Variants in NPAS2 observed in about 807,000 individuals in gnomAD.
NPAS2 encodes the protein neuronal PAS domain-containing protein 2.
Under a neutral mutation model 107.5 loss-of-function variants are expected in NPAS2, and 23 were observed. The observed-to-expected ratio is 0.21, with a 90% confidence interval of 0.15 to 0.30. NPAS2 has a LOEUF of 0.30. Among genes scored for constraint, NPAS2 ranks in the 10% least tolerant of loss-of-function variants. The pLI, the probability that NPAS2 is intolerant of heterozygous loss-of-function variation, is 1.00. For synonymous variants in NPAS2, 403 were observed against 417.5 expected, an observed-to-expected ratio of 0.97 and a Z score of 0.42; for missense variants, 756 against 1,043.3, an observed-to-expected ratio of 0.72 and a Z score of 3.79.
intron 1 of NPAS2, among the ~76,000 whole-genome samples, chr2:100,895,593 C>G (rs897196853): frequency 9.9e-5 from 15 of 152,182 alleles, no homozygotes; most frequent in Non-Finnish European, 2.2e-4. Context: ...TGCCAATTCC[C>G]TTAGGAGTTC....
chr2:100,987,958 G>GCC (rs1677871459), intron 16 of NPAS2, 121 bp from the exon 17 acceptor site: 1 of 1,055,706 alleles, frequency 9.5e-7, no homozygotes. Context: ...TGGAGTAAAT[G>GCC]AACTATTTCT....
intron 1 of NPAS2, among the ~76,000 whole-genome samples, chr2:100,880,048 C>G (rs532222165): frequency 1.2e-3 from 178 of 152,176 alleles, no homozygotes; most frequent in Non-Finnish European, 2.2e-3. Context: ...TCACTCTGCT[C>G]CAATATCTGA....
intron 1 of NPAS2, among the ~76,000 whole-genome samples, chr2:100,873,678 CGATATTATAAAGTGCTTACTTT>C (rs1175015589): frequency 6.6e-6 from 1 of 151,814 alleles, no homozygotes; most frequent in Non-Finnish European, 1.5e-5. Flanking sequence ...TTTGTAACTA[CGATATTATAAAGTGCTTACTTT>C]CATAGCAATG....
At chr2:100,879,134 AAG>A (rs1267208414) in intron 1 of NPAS2, among the ~76,000 whole-genome samples, 37 of 152,184 alleles carry the variant, frequency 2.4e-4, no homozygotes, top group African/African-American at 8.4e-4. Flanking sequence ...AAAAAAAAAA[AAG>A]CCTTCTAAAT....
chr2:100,851,006 C>T (rs1448749841), intron 1 of NPAS2, among the ~76,000 whole-genome samples: 1 of 145,290 alleles, frequency 6.9e-6, no homozygotes, highest in Non-Finnish European at 1.5e-5. Context: ...CCCATGCTAC[C>T]ACATGGATGA....
chr2:100,818,917 C>T (rs972433444), upstream of NPAS2, among the ~76,000 whole-genome samples: 1 of 152,192 alleles, frequency 6.6e-6, no homozygotes, highest in Admixed American at 6.5e-5. Flanking sequence ...AAGGGGAAAC[C>T]GGCCACGTTT....
intron 1 of NPAS2, among the ~76,000 whole-genome samples, chr2:100,839,109 G>A (rs1215790361): frequency 6.6e-6 from 1 of 151,984 alleles, no homozygotes; most frequent in African/African-American, 2.4e-5. Flanking sequence ...AGATGATGAG[G>A]ATGAAGACTT....
chr2:100,969,039 T>C (rs13417966), intron 11 of NPAS2, among the ~76,000 whole-genome samples: 7 of 152,172 alleles, frequency 4.6e-5, no homozygotes, highest in African/African-American at 1.4e-4. Flanking sequence ...GTGGGGTCAC[T>C]GTTCCCAAGG....
chr2:100,888,590 C>T (rs1264615428), intron 1 of NPAS2, among the ~76,000 whole-genome samples: 1 of 152,124 alleles, frequency 6.6e-6, no homozygotes, highest in Non-Finnish European at 1.5e-5. Context: ...TGCTATATTG[C>T]TGCCTGTGAA....
At chr2:100,986,490 G>A (rs1573803001) in intron 16 of NPAS2, 1 of 152,288 alleles carries the variant, frequency 6.6e-6, no homozygotes, top group African/African-American at 2.4e-5. Context: ...CAGATGCTGG[G>A]AGCCAGAGAG....
chr2:100,996,686 TATAAA>T lies in NPAS2; in HGVS notation c.*1112_*1116del, dbSNP rs958479356. ...CTGTTGTAATAATGACCTATTTCTA[TATAAA>T]ATAAAATTGTATGGCTTATGTGTAA... On this transcript the variant is annotated 3_prime_UTR_variant, in exon 21 of 21. Transcript: ENST00000335681. 2 of 152,682 alleles carry T rather than the reference TATAAA, an allele frequency of 1.3e-5. No homozygotes were observed. The highest frequency in any genetic ancestry group is 2.9e-5 in the Non-Finnish European group (2 of 68,046). The allele number at this position is 152,682 out of a possible 1,614,324, so 9.5% of individuals were successfully genotyped here.
chr2:100,941,571 A>G (rs1674576699), intron 5 of NPAS2, among the ~76,000 whole-genome samples: 1 of 152,156 alleles, frequency 6.6e-6, no homozygotes, highest in Non-Finnish European at 1.5e-5. Flanking sequence ...CAAAAAAAAA[A>G]TAACAATAAT....
intron 5 of NPAS2, among the ~76,000 whole-genome samples, chr2:100,942,289 C>A (rs948189417): frequency 6.6e-6 from 1 of 152,148 alleles, no homozygotes; most frequent in Non-Finnish European, 1.5e-5. Flanking sequence ...AAGCCAAAGC[C>A]CCTGGCCTGT....
chr2:100,871,879 T>C (rs889303310), intron 1 of NPAS2, among the ~76,000 whole-genome samples: 2 of 152,102 alleles, frequency 1.3e-5, no homozygotes, highest in African/African-American at 4.8e-5. Flanking sequence ...GTCTCTCCAC[T>C]CCACATCAGG....
At chr2:100,844,322 G>A (rs1350748636) in intron 1 of NPAS2, among the ~76,000 whole-genome samples, 1 of 152,176 alleles carries the variant, frequency 6.6e-6, no homozygotes, top group South Asian at 2.1e-4. Flanking sequence ...AGAGTCAGGG[G>A]TTTTGATCAG....
At chr2:100,931,391 G>A (rs919195492) in intron 3 of NPAS2, among the ~76,000 whole-genome samples, 1 of 152,088 alleles carries the variant, frequency 6.6e-6, no homozygotes, top group African/African-American at 2.4e-5. Context: ...ACATCTCGAA[G>A]GAAGGAGTCT....
At chr2:100,978,227 C>T (rs1677158279) in intron 15 of NPAS2, among the ~76,000 whole-genome samples, 1 of 152,126 alleles carries the variant, frequency 6.6e-6, no homozygotes, top group Admixed American at 6.5e-5. Flanking sequence ...CATAGTTTAG[C>T]TCCCACTTAG....
At chr2:100,905,986 CT>C (rs1279022712) in intron 2 of NPAS2, among the ~76,000 whole-genome samples, 1 of 152,154 alleles carries the variant, frequency 6.6e-6, no homozygotes, top group Admixed American at 6.5e-5. Context: ...CCAATATTTC[CT>C]TTAAAAAAAT....
At chr2:100,850,741 T>TCC (rs1678115600) in intron 1 of NPAS2, among the ~76,000 whole-genome samples, 1 of 151,764 alleles carries the variant, frequency 6.6e-6, no homozygotes, top group Non-Finnish European at 1.5e-5. Flanking sequence ...TCACTTGAGA[T>TCC]CAGGCATTCG....
Sources: allele counts gnomAD v4.1 joint callset (sites outside exome capture counted in the v4.1 genomes callset), GRCh38; gene constraint gnomAD v4.1.1; transcripts MANE v1.5; gene names NCBI Gene and HGNC (gene_info 2026-07-23, HGNC 2026-07-21).